Variants in ERBB4 observed in about 807,000 individuals in gnomAD.
ERBB4 encodes the protein erb-b2 receptor tyrosine kinase 4.
Under a neutral mutation model 158.0 loss-of-function variants are expected in ERBB4, and 42 were observed. The observed-to-expected ratio is 0.27, with a 90% CI of 0.21 to 0.34. ERBB4 has a LOEUF of 0.34. Ranked by LOEUF, ERBB4 falls within the 10% of genes least tolerant of loss-of-function variation. The pLI is 1.00. For synonymous variants in ERBB4, 583 were observed against 558.7 expected (o/e 1.04, Z -0.61); for missense variants, 1,333 against 1,624.1 (o/e 0.82, Z 3.08).
intron 1 of ERBB4, among the ~76,000 whole-genome samples, chr2:212,537,462 C>A (rs1432320686): frequency 6.6e-6 from 1 of 152,012 alleles, no homozygotes; most frequent in East Asian, 2.0e-4. Context: ...CAAGCCGTGG[C>A]GGGCCAGCCC....
intron 1 of ERBB4, among the ~76,000 whole-genome samples, chr2:212,201,532 A>G (rs2082586774): frequency 1.3e-5 from 2 of 151,990 alleles, no homozygotes; most frequent in Non-Finnish European, 2.9e-5. Context: ...AAAATGTAAG[A>G]CTCTAATTAT....
Position 211,663,505 on chromosome 2 carries a change from T to C in ERBB4, c.1871+1818A>G, listed in dbSNP as rs188420796. 3.2e-3 allele frequency among the ~76,000 whole-genome samples: 484 copies of C among 152,274 alleles called. 3 individuals are homozygous for C. The highest frequency in any genetic ancestry group is 0.011 in the African/African-American group (440 of 41,554). On this transcript the variant is annotated intron_variant, in intron 15 of 27. Coordinates refer to ENST00000342788, the MANE Select transcript of ERBB4 (RefSeq NM_005235.3). ...TTTCTTCCCCATTACACCTTCATCCTTCCTTTTGACTGAGATCCAGATTTT... is the reference window on the plus strand; with the variant it reads ...TTTCTTCCCCATTACACCTTCATCCCTCCTTTTGACTGAGATCCAGATTTT...
chr2:211,613,276 A>T (rs1044486690), intron 19 of ERBB4, among the ~76,000 whole-genome samples: 1 of 152,044 alleles, frequency 6.6e-6, no homozygotes, highest in Non-Finnish European at 1.5e-5. Context: ...TTGTAAGAAC[A>T]TGGTTACAAT....
chr2:212,486,721 CAG>C (rs1690001291), intron 1 of ERBB4, among the ~76,000 whole-genome samples: 1 of 152,086 alleles, frequency 6.6e-6, no homozygotes. Flanking sequence ...TCAGGGCAGA[CAG>C]AAATATAAAC....
At chr2:211,643,717 C>A (rs559976471) in intron 16 of ERBB4, among the ~76,000 whole-genome samples, 1 of 152,064 alleles carries the variant, frequency 6.6e-6, no homozygotes, top group Admixed American at 6.6e-5. Context: ...CTAGGCTTTA[C>A]GTGTATCAGA....
chr2:212,250,957 TGA>T (rs780884580), intron 1 of ERBB4, among the ~76,000 whole-genome samples: 11 of 151,996 alleles, frequency 7.2e-5, no homozygotes, highest in Non-Finnish European at 1.3e-4. Context: ...TGATATTGAC[TGA>T]GAGATTTTGC....
chr2:212,536,833 A>T lies in ERBB4; in HGVS notation c.82+1616T>A, dbSNP rs141384628. ...AGAAATTCCTCTCGGCTAAGCCTGCATGTCGGTCGCCAATGCCTTTGAATG... is the reference window on the plus strand; with the variant it reads ...AGAAATTCCTCTCGGCTAAGCCTGCTTGTCGGTCGCCAATGCCTTTGAATG... On this transcript the variant is annotated intron_variant, in intron 1 of 27. Coordinates refer to ENST00000342788, the MANE Select transcript of ERBB4 (RefSeq NM_005235.3). Among the ~76,000 whole-genome samples the T allele has an allele frequency of 6.6e-5, 10 of 152,254 alleles. No individual in the cohort carries two copies. The East Asian group carries it at 1.9e-3, about 29-fold the overall frequency.
At chr2:212,465,638 C>T (rs1325100024) in intron 1 of ERBB4, among the ~76,000 whole-genome samples, 2 of 152,134 alleles carry the variant, frequency 1.3e-5, no homozygotes, top group African/African-American at 4.8e-5. Context: ...ACCATAGTAG[C>T]TGTGACTCAA....
rs2105959311 is a variant in ERBB4 at position 211,679,097 on chromosome 2, A to G, written c.1577T>C (p.Phe526Ser). 6.2e-7 allele frequency: 1 copy of G among 1,613,842 alleles called. No individual in the cohort carries two copies. Among genetic ancestry groups the G allele is most frequent in the Non-Finnish European group, 8.5e-7 (1 of 1,179,888 alleles). Residue 526 changes from phenylalanine to serine, a missense_variant, in exon 13 of 28, where the codon TTC (phenylalanine) becomes TCC (serine). By Grantham distance (155) the Phe-to-Ser change is radical. Coordinates refer to ENST00000342788, the MANE Select transcript of ERBB4 (RefSeq NM_005235.3). ...GPDQCLSCRRFSRGRICIESC... is the reference protein window; with the variant it reads ...GPDQCLSCRRSSRGRICIESC... ...CTCTATGCAGATCCTTCCTCTACTGAAGCGGCGACACGACAGACATTGGTC... is the reference window on the plus strand; with the variant it reads ...CTCTATGCAGATCCTTCCTCTACTGGAGCGGCGACACGACAGACATTGGTC...
intron 20 of ERBB4, among the ~76,000 whole-genome samples, chr2:211,473,275 G>A (rs1334519947): frequency 6.6e-6 from 1 of 152,014 alleles, no homozygotes; most frequent in Admixed American, 6.6e-5. Context: ...GCTGGAAGAA[G>A]CAAGAAATGG....
At chr2:212,315,695 C>G (rs2087242749) in intron 1 of ERBB4, among the ~76,000 whole-genome samples, 1 of 151,428 alleles carries the variant, frequency 6.6e-6, no homozygotes, top group Non-Finnish European at 1.5e-5. Context: ...TGTGTCACTT[C>G]CAGTTCACAC....
At chr2:212,163,868 C>T (rs2081273546) in intron 1 of ERBB4, among the ~76,000 whole-genome samples, 1 of 152,076 alleles carries the variant, frequency 6.6e-6, no homozygotes, top group Admixed American at 6.6e-5. Context: ...TCACAGCTCA[C>T]TGCAGCCTCA....
chr2:211,815,738 T>G (rs1008784028), intron 3 of ERBB4, among the ~76,000 whole-genome samples: 4 of 152,184 alleles, frequency 2.6e-5, no homozygotes, highest in African/African-American at 9.7e-5. Flanking sequence ...GATTGGCAGT[T>G]GAGTCAGTGG....
At chr2:212,225,727 A>G (rs2083447783) in intron 1 of ERBB4, among the ~76,000 whole-genome samples, 1 of 151,988 alleles carries the variant, frequency 6.6e-6, no homozygotes, top group South Asian at 2.1e-4. Flanking sequence ...GTTTTCCTAT[A>G]GGACACTTTT....
intron 1 of ERBB4, among the ~76,000 whole-genome samples, chr2:212,373,786 CACGTATATATATCCAT>C (rs1282279950): frequency 0.019 from 1,805 of 92,780 alleles, 120 homozygotes; most frequent in South Asian, 0.031. Context: ...TGTATATATC[CACGTATATATATCCAT>C]ATATATATCC....
chr2:211,768,608 T>C (rs1343381355), intron 4 of ERBB4, among the ~76,000 whole-genome samples: 1 of 152,180 alleles, frequency 6.6e-6, no homozygotes, highest in Non-Finnish European at 1.5e-5. Flanking sequence ...CAACACCACG[T>C]GGAAGCTGCC....
intron 1 of ERBB4, among the ~76,000 whole-genome samples, chr2:212,278,275 G>A (rs1168275998): frequency 6.6e-6 from 1 of 151,678 alleles, no homozygotes; most frequent in Admixed American, 6.6e-5. Flanking sequence ...TTTTACTTCT[G>A]TTCATGGGCC....
chr2:211,383,605 A>G lies in ERBB4; in HGVS notation c.*10T>C. The G allele has an allele frequency of 6.2e-7, 1 of 1,611,886 alleles. No homozygotes were observed. The highest frequency in any genetic ancestry group is 8.5e-7 in the Non-Finnish European group (1 of 1,179,444). On this transcript the variant is annotated 3_prime_UTR_variant, in exon 28 of 28. Coordinates refer to ENST00000342788, the MANE Select transcript of ERBB4 (RefSeq NM_005235.3). ...GGTGTGTCTCTCCACCTAAAAAACC[A>G]CAACTGAGCTTACACCACAGTATTC...
At chr2:212,085,810 T>C (rs1261661433) in intron 2 of ERBB4, among the ~76,000 whole-genome samples, 3 of 151,212 alleles carry the variant, frequency 2.0e-5, no homozygotes, top group African/African-American at 4.8e-5. Flanking sequence ...CATATAGTAG[T>C]TAAAACAGTA....
Sources: allele counts gnomAD v4.1 joint callset (sites outside exome capture counted in the v4.1 genomes callset), GRCh38; gene constraint gnomAD v4.1.1; transcripts MANE v1.5; gene names NCBI Gene and HGNC (gene_info 2026-07-23, HGNC 2026-07-21).